Variants in ODR4 observed in about 807,000 individuals in gnomAD.
ODR4 encodes protein odr-4 homolog.
ODR4 carries 47 observed loss-of-function variants against 60.2 expected under a neutral mutation model. That is an observed-to-expected ratio of 0.78 (90% confidence interval 0.62 to 1.00). The LOEUF (loss-of-function observed/expected upper bound fraction) is 1.00, where lower values mean the gene tolerates loss of function less well. Ranked by LOEUF, ODR4 falls within the 50% of genes least tolerant of loss-of-function variation. The probability of loss-of-function intolerance (pLI) is 0.00; values close to 1 mark genes in which losing one functional copy is unlikely to be tolerated. For missense variants in ODR4, 488 were observed against 530.8 expected (o/e 0.92, Z 0.79); for synonymous variants, 178 against 175.5 (o/e 1.01, Z -0.11).
chr1:186,420,879 T>C lies in ODR4; in HGVS notation c.*1803T>C, dbSNP rs987026818. Reference sequence around the variant, plus strand: ...ACAAATTTGTTGGAAAAACATGAATTCATAAATTCAGGAAGCACAATATAT... The same window carrying C: ...ACAAATTTGTTGGAAAAACATGAATCCATAAATTCAGGAAGCACAATATAT... On this transcript the variant is annotated 3_prime_UTR_variant, in exon 14 of 14. Coordinates refer to ENST00000287859, the MANE Select transcript of ODR4 (RefSeq NM_017847.6). 1 of 152,196 alleles carries C rather than the reference T, an allele frequency of 6.6e-6. No individual in the cohort carries two copies. The highest frequency in any genetic ancestry group is 2.4e-5 in the African/African-American group (1 of 41,448). The allele number at this position is 152,196 out of a possible 1,614,324, so 9.4% of individuals were successfully genotyped here.
At chr1:186,429,317 G>C in the ODR4 span, among the ~76,000 whole-genome samples, 6,269 of 152,092 alleles carry the variant, frequency 0.041, 429 homozygotes, top group African/African-American at 0.14. Context: ...AATATTACAA[G>C]AGTTACCAAT....
At chr1:186,396,297 T>G (rs1294536873) in intron 9 of ODR4, among the ~76,000 whole-genome samples, 2 of 152,070 alleles carry the variant, frequency 1.3e-5, no homozygotes, top group Non-Finnish European at 2.9e-5. Flanking sequence ...AAGGAATGAG[T>G]CAGACCTTAC....
downstream of ODR4, among the ~76,000 whole-genome samples, chr1:186,425,330 AAG>A (rs1303204616): frequency 6.6e-6 from 1 of 152,306 alleles, no homozygotes; most frequent in African/African-American, 2.4e-5. Flanking sequence ...TTGTTTAAAA[AAG>A]AGGAAAAATG....
At chr1:186,403,668 TA>T (rs74688316) in intron 11 of ODR4, among the ~76,000 whole-genome samples, 273 of 140,906 alleles carry the variant, frequency 1.9e-3, no homozygotes, top group Middle Eastern at 3.8e-3. Context: ...ATTGTCAGTT[TA>T]AAAAAAAAAA....
intron 12 of ODR4, among the ~76,000 whole-genome samples, chr1:186,410,740 GTGCGGTGGCTCACGCC>G (rs1571697218): frequency 6.6e-6 from 1 of 152,186 alleles, no homozygotes; most frequent in African/African-American, 2.4e-5. Context: ...AGTGGGCTGG[GTGCGGTGGCTCACGCC>G]TGTAGTCCCA....
At chr1:186,389,835 T>C (rs1047849592) in intron 6 of ODR4, among the ~76,000 whole-genome samples, 2 of 152,240 alleles carry the variant, frequency 1.3e-5, no homozygotes, top group Non-Finnish European at 2.9e-5. Flanking sequence ...TTGCCCAAGC[T>C]AGAGTGCAGT....
the ODR4 span, among the ~76,000 whole-genome samples, chr1:186,433,311 A>G: frequency 6.6e-6 from 1 of 150,450 alleles, no homozygotes; most frequent in Admixed American, 6.6e-5. Context: ...GATATAAAAT[A>G]CTCTTATTTT....
chr1:186,417,861 A>G (rs1012103694), intron 13 of ODR4, among the ~76,000 whole-genome samples: 1 of 152,170 alleles, frequency 6.6e-6, no homozygotes, highest in Non-Finnish European at 1.5e-5. Context: ...AAGATGACAC[A>G]TCCTATTAAT....
intron 12 of ODR4, among the ~76,000 whole-genome samples, chr1:186,407,561 C>T (rs1449383880): frequency 6.6e-6 from 1 of 152,106 alleles, no homozygotes; most frequent in East Asian, 1.9e-4. Flanking sequence ...CTGAAAACTA[C>T]ATCCCTAGCA....
Position 186,377,960 on chromosome 1 carries a change from G to A in ODR4, c.-19-1807G>A, listed in dbSNP as rs565442264. Among the ~76,000 whole-genome samples, 9 of 152,142 alleles carry A rather than the reference G, an allele frequency of 5.9e-5. No individual in the cohort carries two copies. The East Asian group carries it at 1.7e-3, about 29-fold the overall frequency. On this transcript the variant is annotated intron_variant, in intron 1 of 13. Coordinates refer to ENST00000287859, the MANE Select transcript of ODR4 (RefSeq NM_017847.6). ...CTTGGGAGGCTGAGGCAGGAGAATG[G>A]CGTGAACCTGGGAGGTGGAGCTTGC...
intron 2 of ODR4, among the ~76,000 whole-genome samples, chr1:186,381,576 C>T (rs991515615): frequency 6.6e-6 from 1 of 152,174 alleles, no homozygotes; most frequent in Non-Finnish European, 1.5e-5. Flanking sequence ...ATCCGCCTGC[C>T]TCGGCCTCCC....
chr1:186,393,195 G>C (rs1660535058), intron 8 of ODR4, among the ~76,000 whole-genome samples: 1 of 152,062 alleles, frequency 6.6e-6, no homozygotes, highest in South Asian at 2.1e-4. Context: ...TTAATACCTG[G>C]GTGATGAAAT....
intron 11 of ODR4, among the ~76,000 whole-genome samples, chr1:186,402,665 A>G (rs1661029414): frequency 6.6e-6 from 1 of 150,976 alleles, no homozygotes; most frequent in South Asian, 2.1e-4. Context: ...ATAGCTAAAT[A>G]CAGCTTTGAA....
chr1:186,405,085 T>C (rs1661122800), intron 11 of ODR4, among the ~76,000 whole-genome samples: 1 of 152,142 alleles, frequency 6.6e-6, no homozygotes, highest in Non-Finnish European at 1.5e-5. Context: ...TATTTTTTTC[T>C]AAAAATGATT....
chr1:186,424,734 G>A (rs1298551849), downstream of ODR4, among the ~76,000 whole-genome samples: 3 of 151,950 alleles, frequency 2.0e-5, no homozygotes, highest in African/African-American at 7.3e-5. Context: ...TGGGAATTCA[G>A]CTGCCACATC....
intron 9 of ODR4, among the ~76,000 whole-genome samples, chr1:186,395,894 A>G (rs1660653168): frequency 6.6e-6 from 1 of 152,172 alleles, no homozygotes; most frequent in African/African-American, 2.4e-5. Flanking sequence ...AGTGTTCTGT[A>G]CTGACTAGTT....
At position 186,398,960 on chromosome 1, in the gene ODR4, A is replaced by T. The variant is rs76602544; in HGVS notation, c.916A>T (p.Lys306Ter). Residue 306 changes from lysine (K) to a stop codon, truncating the protein, a stop_gained, in exon 11 of 14, where the codon AAG becomes TAG. Transcript: ENST00000287859. LOFTEE classifies it high-confidence loss of function. ...PKVKDAVQAV[K>*]RDILNTVADR... ...TGTGTGTTTTTCCCTGTAGGCAGTA[A>T]AGAGGGATATATTGAACACAGTTGC... The T allele has an allele frequency of 6.2e-7, 1 of 1,608,110 alleles. No homozygotes were observed. Among genetic ancestry groups the T allele is most frequent in the African/African-American group, 1.3e-5 (1 of 74,734 alleles).
intron 11 of ODR4, among the ~76,000 whole-genome samples, chr1:186,403,044 GTTAA>G (rs1364783603): frequency 2.0e-5 from 3 of 152,102 alleles, no homozygotes; most frequent in African/African-American, 7.2e-5. Flanking sequence ...AACAACTTAT[GTTAA>G]TTGTCTTTAA....
At position 186,393,968 on chromosome 1, in the gene ODR4, AC is replaced by A; in HGVS notation, c.734del (p.Thr245IlefsTer13). 1 of 1,523,342 alleles carries A rather than the reference AC, an allele frequency of 6.6e-7. No homozygotes were observed. Among genetic ancestry groups the A allele is most frequent in the Non-Finnish European group, 8.9e-7 (1 of 1,124,350 alleles). 94.4% of individuals were successfully genotyped at this position (1,523,342 alleles called of 1,614,324 possible). On this transcript the variant is annotated frameshift_variant, in exon 9 of 14. Transcript: ENST00000287859. LOFTEE classifies it high-confidence loss of function. ...EGQKKSSRGN[T>X]QATSHSFDVR... ...TCAGAAAAAATCTTCTAGAGGAAAT[AC>A]TCAAGCAACTAGTCATTCTTTTGAT...
Sources: gnomAD v4.1 joint callset for allele counts (sites outside exome capture counted in the v4.1 genomes callset) on GRCh38, gnomAD v4.1.1 for gene constraint, MANE v1.5 for transcripts, NCBI Gene and HGNC (gene_info 2026-07-23, HGNC 2026-07-21) for gene names.